The following RBFOX3 variants were observed in gnomAD, a reference collection of about 807,000 sequenced individuals.
The protein encoded by RBFOX3 is RNA binding fox-1 homolog 3, also known as RNA binding protein fox-1 homolog 3.
RBFOX3 carries 17 observed loss-of-function variants against 48.7 expected under a neutral mutation model. The ratio of observed to expected loss-of-function variants is 0.35; its 90% CI spans 0.24 to 0.52. RBFOX3 has a LOEUF of 0.52. RBFOX3 is among the 20% of genes least tolerant of loss of function. The pLI is 0.94. For missense variants in RBFOX3, 382 were observed against 497.5 expected (o/e 0.77, Z 2.21); for synonymous variants, 212 against 209.5 (o/e 1.01, Z -0.10).
intron 4 of RBFOX3, among the ~76,000 whole-genome samples, chr17:79,170,892 C>T (rs1302856994): frequency 6.6e-6 from 1 of 152,206 alleles, no homozygotes; most frequent in Non-Finnish European, 1.5e-5. Context: ...CCCCGTGAAC[C>T]CACTCAACCC....
intron 1 of RBFOX3, among the ~76,000 whole-genome samples, chr17:79,494,088 T>C (rs1016192949): frequency 9.2e-5 from 14 of 152,258 alleles, no homozygotes; most frequent in African/African-American, 3.4e-4. Flanking sequence ...CTGGGCAACA[T>C]AGCAAGACCC....
chr17:79,431,517 A>C (rs2068455355), intron 2 of RBFOX3, among the ~76,000 whole-genome samples: 1 of 102,188 alleles, frequency 9.8e-6, no homozygotes, highest in Admixed American at 1.5e-4. Context: ...ATGGATTCTC[A>C]CTCTGTCATC....
chr17:79,404,568 G>A (rs913510557), intron 2 of RBFOX3, among the ~76,000 whole-genome samples: 12 of 152,250 alleles, frequency 7.9e-5, no homozygotes, highest in East Asian at 3.9e-4. Flanking sequence ...CAGCCCCGGC[G>A]CCCTCTCCTC....
At chr17:79,100,864 G>A (rs917209050) in intron 9 of RBFOX3, among the ~76,000 whole-genome samples, 9 of 152,306 alleles carry the variant, frequency 5.9e-5, no homozygotes, top group African/African-American at 1.4e-4. Context: ...AAGGAAGACC[G>A]GCCACCTCCG....
At chr17:79,165,732 C>T (rs1363458396) in intron 4 of RBFOX3, among the ~76,000 whole-genome samples, 2 of 152,248 alleles carry the variant, frequency 1.3e-5, no homozygotes, top group Non-Finnish European at 2.9e-5. Flanking sequence ...GGACATGCCC[C>T]ACCCCCAGGT....
At chr17:79,097,659 C>T in intron 10 of RBFOX3, 33 bp downstream of exon 10, 1 of 1,383,520 alleles carries the variant, frequency 7.2e-7, no homozygotes, top group Non-Finnish European at 9.8e-7. Flanking sequence ...AGTAGCTGGT[C>T]TCATCCCATC....
intron 2 of RBFOX3, among the ~76,000 whole-genome samples, chr17:79,455,446 T>C (rs1423546787): frequency 6.6e-6 from 1 of 152,094 alleles, no homozygotes; most frequent in East Asian, 1.9e-4. Flanking sequence ...AGAGTGGCCA[T>C]CTGGGTCCAG....
chr17:79,180,500 G>T (rs140796477), intron 4 of RBFOX3, among the ~76,000 whole-genome samples: 1 of 152,334 alleles, frequency 6.6e-6, no homozygotes, highest in Non-Finnish European at 1.5e-5. Context: ...AGGACCTGCA[G>T]CCCCCACCTG....
chr17:79,138,716 C>CT (rs202104716), intron 4 of RBFOX3, among the ~76,000 whole-genome samples: 1 of 146,420 alleles, frequency 6.8e-6, no homozygotes, highest in Non-Finnish European at 1.5e-5. Flanking sequence ...TTCACACCCC[C>CT]TCACCCACAC....
In RBFOX3 at chr17:79,274,769, C is replaced by T. The variant is rs116563809; in HGVS notation, c.-74+32955G>A. On this transcript the variant is annotated intron_variant, in intron 3 of 14. Coordinates refer to ENST00000693108, the MANE Select transcript of RBFOX3 (RefSeq NM_001350451.2). ...GAAATGTCTCCCCTGCCTGCAGCTTCAGCGAAAGCCCAGGAGGCACGCTTG... is the reference window on the plus strand; with the variant it reads ...GAAATGTCTCCCCTGCCTGCAGCTTTAGCGAAAGCCCAGGAGGCACGCTTG... 8.2e-3 allele frequency among the ~76,000 whole-genome samples: 1,255 copies of T among 152,226 alleles called. 17 individuals are homozygous for T. The highest frequency in any genetic ancestry group is 0.029 in the African/African-American group (1,188 of 41,522).
intron 1 of RBFOX3, among the ~76,000 whole-genome samples, chr17:79,504,592 G>A (rs1029726052): frequency 6.6e-6 from 1 of 152,166 alleles, no homozygotes; most frequent in East Asian, 1.9e-4. Flanking sequence ...TCTGGCTTGT[G>A]GCTGCATCGC....
At position 79,318,988 on chromosome 17, in the gene RBFOX3, C is replaced by T. The variant is rs577391699; in HGVS notation, c.-174-11164G>A. Reference sequence around the variant, plus strand: ...TGTATACATATGTAACTAACCTGCACGTTGTGCATATGTACCCAAAAACTT... The same window carrying T: ...TGTATACATATGTAACTAACCTGCATGTTGTGCATATGTACCCAAAAACTT... On this transcript the variant is annotated intron_variant, in intron 2 of 14. Transcript: ENST00000693108. Among the ~76,000 whole-genome samples the T allele has an allele frequency of 2.7e-5, 4 of 150,454 alleles. No homozygotes were observed. The South Asian group carries it at 8.4e-4, about 32-fold the overall frequency.
At chr17:79,422,951 G>A (rs1340574677) in intron 2 of RBFOX3, among the ~76,000 whole-genome samples, 6 of 152,142 alleles carry the variant, frequency 3.9e-5, no homozygotes, top group African/African-American at 1.4e-4. Flanking sequence ...CTCTCCAGGG[G>A]TGCACAGAAA....
In RBFOX3 at chr17:79,269,050, G is replaced by A. The variant is rs555386268; in HGVS notation, c.-73-33245C>T. On this transcript the variant is annotated intron_variant, in intron 3 of 14. Transcript: ENST00000693108. ...TTTGCAGTTAGCTAAGATCAGGTCA[G>A]ACTGGACTGGGGTGGGCTTTACATC... Among the ~76,000 whole-genome samples the A allele has an allele frequency of 2.3e-3, 349 of 152,384 alleles. 1 individual carries two copies. Among genetic ancestry groups the A allele is most frequent in the African/African-American group, 7.8e-3 (324 of 41,590 alleles).
At chr17:79,261,120 T>C (rs995879775) in intron 3 of RBFOX3, among the ~76,000 whole-genome samples, 1 of 152,052 alleles carries the variant, frequency 6.6e-6, no homozygotes, top group Non-Finnish European at 1.5e-5. Flanking sequence ...ACCCCTCCAG[T>C]TCCCACCCCA....
chr17:79,252,025 C>T lies in RBFOX3; in HGVS notation c.-73-16220G>A, dbSNP rs1169831795. On this transcript the variant is annotated intron_variant, in intron 3 of 14. Transcript: ENST00000693108. The surrounding 1 kb of genome is among the most constrained non-coding windows in gnomAD (Gnocchi z 4.0). ...GGTGGCCTGAGCCAGCCTTGTCTTT[C>T]TCCATCTCTCAGCAGGGAATGAGTC... Among the ~76,000 whole-genome samples the T allele has an allele frequency of 6.6e-6, 1 of 152,212 alleles. No homozygotes were observed. Among genetic ancestry groups the T allele is most frequent in the Non-Finnish European group, 1.5e-5 (1 of 68,044 alleles).
rs2086373269 is a variant in RBFOX3 at position 79,361,614 on chromosome 17, T to C, written c.-174-53790A>G. ...TCCCTAAGGGACATGCCAGCCCACGTCCATCTCTCCTCCTCCTCCCAGCAT... is the reference window on the plus strand; with the variant it reads ...TCCCTAAGGGACATGCCAGCCCACGCCCATCTCTCCTCCTCCTCCCAGCAT... On this transcript the variant is annotated intron_variant, in intron 2 of 14. Coordinates refer to ENST00000693108, the MANE Select transcript of RBFOX3 (RefSeq NM_001350451.2). This position sits in a 1 kb window ranked among gnomAD's most constrained non-coding sequence, Gnocchi z 4.5. Among the ~76,000 whole-genome samples, 1 of 152,176 alleles carries C rather than the reference T, an allele frequency of 6.6e-6. No homozygotes were observed. The highest frequency in any genetic ancestry group is 2.4e-5 in the African/African-American group (1 of 41,442).
intron 4 of RBFOX3, among the ~76,000 whole-genome samples, chr17:79,148,017 C>G (rs957642214): frequency 1.3e-5 from 2 of 152,184 alleles, no homozygotes; most frequent in Non-Finnish European, 2.9e-5. Flanking sequence ...CGTGGGGCCC[C>G]GGGGGGAGGG....
At chr17:79,664,415 A>G in the RBFOX3 span, among the ~76,000 whole-genome samples, 1 of 150,174 alleles carries the variant, frequency 6.7e-6, no homozygotes, top group East Asian at 2.0e-4. Context: ...GTGTTATCTC[A>G]GCTCACTGCA....
Sources: allele counts gnomAD v4.1 joint callset (sites outside exome capture counted in the v4.1 genomes callset), GRCh38; gene constraint gnomAD v4.1.1; non-coding constraint Gnocchi (gnomAD v3.1); transcripts MANE v1.5; gene names NCBI Gene and HGNC (gene_info 2026-07-23, HGNC 2026-07-21).